The following PTPRM variants were observed in gnomAD, a reference collection of about 807,000 sequenced individuals.
PTPRM encodes protein tyrosine phosphatase receptor type M, also known as receptor-type tyrosine-protein phosphatase mu.
A neutral mutation model predicts 186.7 loss-of-function variants in PTPRM; 47 were observed. The ratio of observed to expected loss-of-function variants is 0.25; its 90% CI spans 0.20 to 0.32. The LOEUF is 0.32. Among genes scored for constraint, PTPRM ranks in the 10% least tolerant of loss-of-function variants. The pLI is 1.00. For synonymous variants in PTPRM, 668 were observed against 674.9 expected (o/e 0.99, Z 0.16); for missense variants, 1,494 against 1,865.0 (o/e 0.80, Z 3.66).
intron 19 of PTPRM, among the ~76,000 whole-genome samples, chr18:8,277,498 G>A (rs900765556): frequency 6.6e-6 from 1 of 152,332 alleles, no homozygotes; most frequent in Middle Eastern, 3.4e-3. Flanking sequence ...TGTAAATGTT[G>A]TAATACTGTT....
At chr18:7,605,797 C>G (rs1013857830) in intron 1 of PTPRM, among the ~76,000 whole-genome samples, 2 of 152,152 alleles carry the variant, frequency 1.3e-5, no homozygotes, top group African/African-American at 4.8e-5. Flanking sequence ...TGTTGTCAGC[C>G]CAGCCCTCCC....
chr18:8,035,234 C>A (rs1469340989), intron 7 of PTPRM, among the ~76,000 whole-genome samples: 2 of 152,190 alleles, frequency 1.3e-5, no homozygotes, highest in Non-Finnish European at 2.9e-5. Context: ...AACCAGGCTG[C>A]ATCTTCAAAA....
intron 14 of PTPRM, among the ~76,000 whole-genome samples, chr18:8,200,462 G>A (rs1043570556): frequency 6.6e-6 from 1 of 152,210 alleles, no homozygotes; most frequent in Non-Finnish European, 1.5e-5. Context: ...CACCCTTCAG[G>A]CTCAGGGCTG....
rs77683035 is a variant in PTPRM, at chr18:8,218,835, T to G, written c.2301-25223T>G. 3.3e-4 allele frequency among the ~76,000 whole-genome samples: 51 copies of G among 152,354 alleles called. 1 individual carries two copies. The East Asian group carries it at 7.3e-3, about 22-fold the overall frequency. ...GATGCCCCCAAAGAATAAGTTGAAT[T>G]TAGGTTCTTTGGCTACTTTTTCAGA... On this transcript the variant is annotated intron_variant, in intron 14 of 32. Transcript: ENST00000580170.
intron 1 of PTPRM, chr18:7,749,056 T>G (rs1357193203): frequency 6.6e-6 from 1 of 152,240 alleles, no homozygotes; most frequent in Non-Finnish European, 1.5e-5. Context: ...CAGTTTCACT[T>G]ACCTGTGACA....
chr18:7,775,489 C>T (rs2042535904), intron 2 of PTPRM, among the ~76,000 whole-genome samples: 1 of 152,068 alleles, frequency 6.6e-6, no homozygotes, highest in South Asian at 2.1e-4. Flanking sequence ...TGTGCTCCTC[C>T]TGTGGGGCCG....
rs183259872 is a variant in PTPRM at position 8,106,966 on chromosome 18, G to T, written c.1857-6520G>T. ...GCACTGGAACTTTTCGGGACTGAAA[G>T]ATTTTGAATTGGATAAAATACAAAC... On this transcript the variant is annotated intron_variant, in intron 11 of 32. Transcript: ENST00000580170. 3.0e-3 allele frequency among the ~76,000 whole-genome samples: 458 copies of T among 152,290 alleles called. 3 individuals carry two copies. Among genetic ancestry groups the T allele is most frequent in the African/African-American group, 0.011 (441 of 41,556 alleles).
intron 9 of PTPRM, among the ~76,000 whole-genome samples, chr18:8,081,833 G>T (rs942685514): frequency 2.0e-5 from 3 of 152,178 alleles, no homozygotes; most frequent in African/African-American, 7.2e-5. Context: ...GAGAGGATCT[G>T]TAATTTTTAG....
chr18:8,224,188 T>G (rs1163115545), intron 14 of PTPRM, among the ~76,000 whole-genome samples: 1 of 152,168 alleles, frequency 6.6e-6, no homozygotes, highest in Non-Finnish European at 1.5e-5. Flanking sequence ...TGCTGTACAT[T>G]GCAGGAAATG....
At chr18:8,282,919 A>G (rs1214853526) in intron 19 of PTPRM, among the ~76,000 whole-genome samples, 4 of 152,222 alleles carry the variant, frequency 2.6e-5, no homozygotes, top group African/African-American at 9.6e-5. Flanking sequence ...GAATGAACTA[A>G]TGATATAGAC....
chr18:8,064,486 C>T (rs1600352872), intron 7 of PTPRM, among the ~76,000 whole-genome samples: 1 of 151,894 alleles, frequency 6.6e-6, no homozygotes, highest in African/African-American at 2.4e-5. Flanking sequence ...TGAAGAAAAA[C>T]AGATTGTTTC....
At chr18:8,054,454 T>C (rs1347791868) in intron 7 of PTPRM, among the ~76,000 whole-genome samples, 1 of 151,324 alleles carries the variant, frequency 6.6e-6, no homozygotes, top group Non-Finnish European at 1.5e-5. Flanking sequence ...TTGACTGAAA[T>C]AACTTTTTTT....
At chr18:7,841,841 G>A (rs2046341422) in intron 2 of PTPRM, among the ~76,000 whole-genome samples, 1 of 152,144 alleles carries the variant, frequency 6.6e-6, no homozygotes. Context: ...AACTTGGCTT[G>A]GAAGTGGGGT....
intron 32 of PTPRM, chr18:8,402,948 A>G (rs908150737): frequency 4.6e-5 from 7 of 152,246 alleles, no homozygotes; most frequent in Non-Finnish European, 7.3e-5. Context: ...ACTAGGAGAT[A>G]ATTTAAGGAA....
At chr18:7,850,983 T>A (rs1046886176) in intron 2 of PTPRM, among the ~76,000 whole-genome samples, 6 of 152,188 alleles carry the variant, frequency 3.9e-5, no homozygotes, top group African/African-American at 1.4e-4. Flanking sequence ...GATTAAAATA[T>A]TTAGAGAATT....
chr18:8,194,579 G>T (rs544027990), intron 14 of PTPRM, among the ~76,000 whole-genome samples: 1 of 152,188 alleles, frequency 6.6e-6, no homozygotes, highest in Non-Finnish European at 1.5e-5. Flanking sequence ...GTAGCTGTGC[G>T]TGCTCATTCA....
At chr18:8,225,392 T>G (rs115603443) in intron 14 of PTPRM, among the ~76,000 whole-genome samples, 77,828 of 149,570 alleles carry the variant, frequency 0.52, 20,425 homozygotes, top group Middle Eastern at 0.73. Context: ...GTCTCTTGTA[T>G]TTTTTTTTTT....
intron 1 of PTPRM, among the ~76,000 whole-genome samples, chr18:7,749,633 C>T (rs912393434): frequency 1.3e-5 from 2 of 152,010 alleles, no homozygotes; most frequent in East Asian, 1.9e-4. Flanking sequence ...CTGTCTGAGC[C>T]GATCAGTGTG....
chr18:8,132,733 C>T (rs1465540494), intron 13 of PTPRM, among the ~76,000 whole-genome samples: 1 of 152,150 alleles, frequency 6.6e-6, no homozygotes, highest in Non-Finnish European at 1.5e-5. Context: ...TTGTGTCTCT[C>T]TGATATGTAC....
Sources: allele counts gnomAD v4.1 joint callset (sites outside exome capture counted in the v4.1 genomes callset), GRCh38; gene constraint gnomAD v4.1.1; transcripts MANE v1.5; gene names NCBI Gene and HGNC (gene_info 2026-07-23, HGNC 2026-07-21).